Variants in GALNT13 observed in about 807,000 individuals in gnomAD.
GALNT13 encodes the protein UDP-GalNAc:polypeptide N-acetylgalactosaminyltransferase 13.
GALNT13 carries 28 observed loss-of-function variants against 64.2 expected under a neutral mutation model. That is an observed-to-expected ratio of 0.44 (90% CI 0.32 to 0.60). The LOEUF (loss-of-function observed/expected upper bound fraction) is 0.60. Ranked by LOEUF, GALNT13 falls within the 20% of genes least tolerant of loss-of-function variation. The pLI is 0.05. For synonymous variants in GALNT13, 214 were observed against 224.6 expected (o/e 0.95, Z 0.42); for missense variants, 577 against 669.8 (o/e 0.86, Z 1.53).
intron 3 of GALNT13, among the ~76,000 whole-genome samples, chr2:154,070,406 T>G (rs990291927): frequency 1.3e-5 from 2 of 152,148 alleles, no homozygotes; most frequent in African/African-American, 2.4e-5. Context: ...AATAGTTGAC[T>G]TGAGAAGTTT....
At chr2:154,420,635 C>T (rs146747777) in intron 11 of GALNT13, among the ~76,000 whole-genome samples, 153 of 152,038 alleles carry the variant, frequency 1.0e-3, no homozygotes, top group African/African-American at 3.0e-3. Context: ...TAAGGTCTTT[C>T]GAAATACTCT....
At chr2:154,185,163 T>G (rs1417700658) in intron 4 of GALNT13, among the ~76,000 whole-genome samples, 1 of 152,128 alleles carries the variant, frequency 6.6e-6, no homozygotes, top group Non-Finnish European at 1.5e-5. Flanking sequence ...ACTTTGAATA[T>G]GTCATTTCAC....
chr2:154,093,929 TA>T (rs960826460), intron 3 of GALNT13, among the ~76,000 whole-genome samples: 4 of 151,764 alleles, frequency 2.6e-5, no homozygotes, highest in Non-Finnish European at 5.9e-5. Context: ...TAATAGGCAG[TA>T]AGTCAGCTGC....
chr2:153,602,986 T>C, the GALNT13 span, among the ~76,000 whole-genome samples: 5 of 151,904 alleles, frequency 3.3e-5, no homozygotes, highest in Admixed American at 1.3e-4. Flanking sequence ...TAATATTTCT[T>C]CTGTACTTTT....
the GALNT13 span, among the ~76,000 whole-genome samples, chr2:153,332,774 T>C: frequency 1.3e-5 from 2 of 152,172 alleles, no homozygotes; most frequent in African/African-American, 4.8e-5. Context: ...CACCTCAGGC[T>C]GCTGAACCCA....
chr2:153,317,234 G>C, the GALNT13 span, among the ~76,000 whole-genome samples: 1 of 152,232 alleles, frequency 6.6e-6, no homozygotes, highest in South Asian at 2.1e-4. Context: ...GGAAGTTAGA[G>C]TTTATTCAAT....
At chr2:153,589,740 G>A in the GALNT13 span, among the ~76,000 whole-genome samples, 2 of 152,098 alleles carry the variant, frequency 1.3e-5, no homozygotes, top group African/African-American at 4.8e-5. Context: ...CTTTATAAAA[G>A]CATCACATTT....
intron 4 of GALNT13, among the ~76,000 whole-genome samples, chr2:154,187,965 A>G (rs572045233): frequency 6.6e-6 from 1 of 152,182 alleles, no homozygotes; most frequent in Non-Finnish European, 1.5e-5. Context: ...GTGATTTCAC[A>G]GAAAAAGTAA....
chr2:153,357,936 C>A, the GALNT13 span, among the ~76,000 whole-genome samples: 1 of 152,090 alleles, frequency 6.6e-6, no homozygotes, highest in East Asian at 1.9e-4. Flanking sequence ...ACTGTATATC[C>A]TCCCAAGAGG....
chr2:153,411,897 T>C, the GALNT13 span, among the ~76,000 whole-genome samples: 1 of 152,192 alleles, frequency 6.6e-6, no homozygotes, highest in Admixed American at 6.5e-5. Flanking sequence ...GATGTGTCTG[T>C]GAGGGTGTTG....
chr2:153,148,971 G>A, the GALNT13 span, among the ~76,000 whole-genome samples: 2 of 151,750 alleles, frequency 1.3e-5, no homozygotes, highest in Non-Finnish European at 2.9e-5. Context: ...ATTTGATCTG[G>A]GGAAGGAAGC....
At chr2:153,474,215 C>CA in the GALNT13 span, among the ~76,000 whole-genome samples, 1 of 152,122 alleles carries the variant, frequency 6.6e-6, no homozygotes, top group Non-Finnish European at 1.5e-5. Flanking sequence ...TAAGAGAGAA[C>CA]ACGTTAAACC....
At chr2:153,127,301 C>A in the GALNT13 span, among the ~76,000 whole-genome samples, 1 of 152,212 alleles carries the variant, frequency 6.6e-6, no homozygotes, top group Non-Finnish European at 1.5e-5. Flanking sequence ...CTGAGAAATT[C>A]GAGGCATTTG....
chr2:154,282,966 A>G lies in GALNT13; in HGVS notation c.976-18443A>G, dbSNP rs149838834. Among the ~76,000 whole-genome samples the G allele has an allele frequency of 1.4e-3, 211 of 152,322 alleles. 1 individual carries two copies. The highest frequency in any genetic ancestry group is 4.2e-3 in the African/African-American group (174 of 41,590). On this transcript the variant is annotated intron_variant, in intron 8 of 12. Transcript: ENST00000392825. ...AGGCATTCTCTCAATCAAAATGACA[A>G]TGAAGAAAAAGTGGCAAGTTTCATA...
At chr2:153,276,319 G>T in the GALNT13 span, among the ~76,000 whole-genome samples, 1 of 151,518 alleles carries the variant, frequency 6.6e-6, no homozygotes, top group African/African-American at 2.4e-5. Context: ...ATAATTCTTG[G>T]GTTTTTCATT....
At chr2:154,181,307 T>A (rs1416576597) in intron 4 of GALNT13, among the ~76,000 whole-genome samples, 1 of 152,082 alleles carries the variant, frequency 6.6e-6, no homozygotes, top group Non-Finnish European at 1.5e-5. Flanking sequence ...AAAATAAAAA[T>A]GCATCACTTA....
intron 11 of GALNT13, among the ~76,000 whole-genome samples, chr2:154,415,196 A>G (rs998845313): frequency 2.0e-5 from 3 of 151,964 alleles, no homozygotes; most frequent in East Asian, 1.9e-4. Flanking sequence ...TTAAATTAAC[A>G]TAACATTTAT....
At chr2:154,033,665 C>T (rs1035841731) in intron 3 of GALNT13, among the ~76,000 whole-genome samples, 7 of 152,108 alleles carry the variant, frequency 4.6e-5, no homozygotes, top group Non-Finnish European at 7.4e-5. Flanking sequence ...AGGGGCCGAG[C>T]GTGGTGGCTT....
At chr2:154,281,299 T>A (rs545728052) in intron 8 of GALNT13, among the ~76,000 whole-genome samples, 30 of 152,320 alleles carry the variant, frequency 2.0e-4, no homozygotes, top group South Asian at 1.9e-3. Context: ...GCCTGTTATA[T>A]TCATACATTT....
Sources: gnomAD v4.1 joint callset for allele counts (sites outside exome capture counted in the v4.1 genomes callset) on GRCh38, gnomAD v4.1.1 for gene constraint, MANE v1.5 for transcripts, NCBI Gene and HGNC (gene_info 2026-07-23, HGNC 2026-07-21) for gene names.